DPP10: variants seen among roughly 807,000 people sequenced by gnomAD.
DPP10 encodes dipeptidyl peptidase like 10.
A neutral mutation model predicts 120.9 loss-of-function variants in DPP10; 33 were observed. That is an observed-to-expected ratio of 0.27 (90% CI 0.21 to 0.37). The LOEUF (loss-of-function observed/expected upper bound fraction) is 0.37, where lower values mean the gene tolerates loss of function less well. Among genes scored for constraint, DPP10 ranks in the 10% least tolerant of loss-of-function variants. The pLI is 1.00. For synonymous variants in DPP10, 337 were observed against 326.1 expected, an observed-to-expected ratio of 1.03 and a Z score of -0.36; for missense variants, 816 against 942.8, an observed-to-expected ratio of 0.87 and a Z score of 1.76.
intron 19 of DPP10, among the ~76,000 whole-genome samples, chr2:115,808,275 A>C (rs945103389): frequency 6.6e-6 from 1 of 152,220 alleles, no homozygotes; most frequent in Non-Finnish European, 1.5e-5. Context: ...AATTATGTGT[A>C]TTTGTGCAAA....
chr2:114,722,636 C>T (rs1265022162), intron 1 of DPP10, among the ~76,000 whole-genome samples: 2 of 151,594 alleles, frequency 1.3e-5, no homozygotes, highest in African/African-American at 2.4e-5. Context: ...ATTAGCCGGG[C>T]GTGGTGGCGG....
intron 1 of DPP10, among the ~76,000 whole-genome samples, chr2:114,638,314 C>G (rs1236104244): frequency 1.3e-5 from 2 of 151,630 alleles, no homozygotes; most frequent in Non-Finnish European, 2.9e-5. Flanking sequence ...CTACTGATTT[C>G]TGCACAACAA....
intron 1 of DPP10, among the ~76,000 whole-genome samples, chr2:114,705,148 C>T (rs1384252936): frequency 6.6e-6 from 1 of 152,128 alleles, no homozygotes; most frequent in Non-Finnish European, 1.5e-5. Flanking sequence ...AGTAATTCTA[C>T]AATGGAAGAA....
chr2:115,075,659 G>T (rs1573517257), intron 1 of DPP10, among the ~76,000 whole-genome samples: 1 of 150,884 alleles, frequency 6.6e-6, no homozygotes, highest in East Asian at 1.9e-4. Context: ...AGGCTTATTA[G>T]CTCAGCCCAT....
chr2:114,448,132 G>A (rs1178378679), intron 1 of DPP10, among the ~76,000 whole-genome samples: 1 of 151,942 alleles, frequency 6.6e-6, no homozygotes, highest in Non-Finnish European at 1.5e-5. Context: ...AATAAAGAGT[G>A]ACTATAATAA....
rs115857876 is a variant in DPP10, at chr2:115,467,193, C to T, written c.272-32317C>T. Among the ~76,000 whole-genome samples, 554 of 152,202 alleles carry T rather than the reference C, an allele frequency of 3.6e-3. 3 individuals carry two copies. Among genetic ancestry groups the T allele is most frequent in the African/African-American group, 0.013 (542 of 41,524 alleles). On this transcript the variant is annotated intron_variant, in intron 3 of 25. Transcript: ENST00000410059. ...AAGAAATGATAAATACATGCATGTA[C>T]ACTCATGCATGTTTGCACACACACA...
chr2:115,013,231 T>C (rs1032075261), intron 1 of DPP10, among the ~76,000 whole-genome samples: 6 of 152,190 alleles, frequency 3.9e-5, no homozygotes, highest in Admixed American at 2.6e-4. Context: ...CTGTAAAGGA[T>C]TTTATTTTTC....
At chr2:114,581,221 C>T (rs1162214989) in intron 1 of DPP10, among the ~76,000 whole-genome samples, 1 of 138,922 alleles carries the variant, frequency 7.2e-6, no homozygotes. Context: ...CTCTCTGTCG[C>T]CCAGGCTGGA....
intron 3 of DPP10, among the ~76,000 whole-genome samples, chr2:115,391,352 A>G (rs1400832669): frequency 1.3e-5 from 2 of 152,170 alleles, no homozygotes; most frequent in African/African-American, 4.8e-5. Flanking sequence ...ATAGAGAGTG[A>G]TCACAATCTG....
At chr2:115,186,698 CAT>C (rs2054465400) in intron 1 of DPP10, among the ~76,000 whole-genome samples, 1 of 152,144 alleles carries the variant, frequency 6.6e-6, no homozygotes, top group African/African-American at 2.4e-5. Flanking sequence ...ATGTGACTAT[CAT>C]ATACAGTTCT....
intron 1 of DPP10, among the ~76,000 whole-genome samples, chr2:115,130,538 ATCCAT>A (rs1303056309): frequency 6.7e-6 from 1 of 149,598 alleles, no homozygotes; most frequent in Non-Finnish European, 1.5e-5. Context: ...CCATCCATCC[ATCCAT>A]TCATCTTCAG....
chr2:115,777,321 G>C (rs1408099168), intron 14 of DPP10, 22 bp downstream of exon 14: 1 of 1,597,840 alleles, frequency 6.3e-7, no homozygotes, highest in South Asian at 1.1e-5. Flanking sequence ...CAGTTCTCTA[G>C]TCAGGCTGCA....
chr2:114,660,214 A>G (rs965209691), intron 1 of DPP10, among the ~76,000 whole-genome samples: 1 of 152,218 alleles, frequency 6.6e-6, no homozygotes, highest in Non-Finnish European at 1.5e-5. Context: ...ATTATCTCCA[A>G]TAAACAGATG....
intron 1 of DPP10, among the ~76,000 whole-genome samples, chr2:114,472,584 T>A (rs564336234): frequency 6.6e-6 from 1 of 152,270 alleles, no homozygotes; most frequent in Non-Finnish European, 1.5e-5. Flanking sequence ...CGATGCAGGC[T>A]GCGTCTCAGC....
At chr2:115,052,305 A>G (rs1388908514) in intron 1 of DPP10, among the ~76,000 whole-genome samples, 1 of 152,168 alleles carries the variant, frequency 6.6e-6, no homozygotes, top group African/African-American at 2.4e-5. Context: ...AAGCACAAGC[A>G]GCAAAAGAAA....
At chr2:115,719,779 A>G (rs2092599017) in intron 7 of DPP10, among the ~76,000 whole-genome samples, 1 of 152,190 alleles carries the variant, frequency 6.6e-6, no homozygotes. Context: ...CTTTAAGTTT[A>G]TATTAGCATG....
At chr2:114,958,844 T>C (rs954190148) in intron 1 of DPP10, among the ~76,000 whole-genome samples, 23 of 152,312 alleles carry the variant, frequency 1.5e-4, no homozygotes, top group Middle Eastern at 3.4e-3. Flanking sequence ...TTTTCTGTTT[T>C]ACAAATTTGT....
At chr2:115,189,610 T>G (rs2054718906) in intron 1 of DPP10, among the ~76,000 whole-genome samples, 1 of 152,198 alleles carries the variant, frequency 6.6e-6, no homozygotes, top group Non-Finnish European at 1.5e-5. Context: ...ATTTTTTCAG[T>G]TCTTTCTCTT....
rs71418569 is a variant in DPP10 at position 115,598,507 on chromosome 2, A to T, written c.441+72535A>T. On this transcript the variant is annotated intron_variant, in intron 5 of 25. Coordinates refer to ENST00000410059, the MANE Select transcript of DPP10 (RefSeq NM_020868.6). The stretch of plus-strand genomic sequence containing the variant: ...ACAATTTATATCCTTTATAATGAAC[A>T]ATATATAACAGTATACTTCAATTTT... Among the ~76,000 whole-genome samples, 312 of 152,078 alleles carry T rather than the reference A, an allele frequency of 2.1e-3. 2 individuals carry two copies. The highest frequency in any genetic ancestry group is 3.5e-3 in the Non-Finnish European group (240 of 67,882).
Sources: gnomAD v4.1 joint callset for allele counts (sites outside exome capture counted in the v4.1 genomes callset) on GRCh38, gnomAD v4.1.1 for gene constraint, MANE v1.5 for transcripts, NCBI Gene and HGNC (gene_info 2026-07-23, HGNC 2026-07-21) for gene names.